SNRK: variants seen among roughly 807,000 people sequenced by gnomAD.
SNRK encodes SNF-related serine/threonine-protein kinase.
A neutral mutation model predicts 48.2 loss-of-function variants in SNRK; 3 were observed. That is an observed-to-expected ratio of 0.06 (90% CI 0.03 to 0.16). SNRK has a LOEUF of 0.16. Ranked by LOEUF, SNRK falls within the 10% of genes least tolerant of loss-of-function variation. The probability of loss-of-function intolerance (pLI) is 1.00; values close to 1 mark genes in which losing one functional copy is unlikely to be tolerated. For synonymous variants in SNRK, 376 were observed against 366.1 expected, an observed-to-expected ratio of 1.03 and a Z score of -0.31; for missense variants, 627 against 976.0, an observed-to-expected ratio of 0.64 and a Z score of 4.76.
Position 43,350,040 on chromosome 3 carries a change from A to G in SNRK, c.*1483A>G, listed in dbSNP as rs1361763250. On this transcript the variant is annotated 3_prime_UTR_variant, in exon 7 of 7. Coordinates refer to ENST00000296088, the MANE Select transcript of SNRK (RefSeq NM_017719.5). ...CATTGCTGTGGTCACTGTTTCTTCAAGTACACACTGACTCTGCTACTTTAG... is the reference window on the plus strand; with the variant it reads ...CATTGCTGTGGTCACTGTTTCTTCAGGTACACACTGACTCTGCTACTTTAG... The G allele has an allele frequency of 1.3e-5, 2 of 152,236 alleles. No homozygotes were observed. The highest frequency in any genetic ancestry group is 2.9e-5 in the Non-Finnish European group (2 of 68,046). The allele number at this position is 152,236 out of a possible 1,614,324, so 9.4% of individuals were successfully genotyped here.
chr3:43,334,785 G>A (rs1241952415), intron 4 of SNRK, among the ~76,000 whole-genome samples: 1 of 152,096 alleles, frequency 6.6e-6, no homozygotes, highest in Non-Finnish European at 1.5e-5. Flanking sequence ...GTAAAGGCAA[G>A]GTTTTAACAT....
intron 3 of SNRK, among the ~76,000 whole-genome samples, chr3:43,316,799 A>G (rs1217354568): frequency 6.7e-6 from 1 of 148,994 alleles, no homozygotes; most frequent in Non-Finnish European, 1.5e-5. Context: ...CTCTGCATTG[A>G]TTGCTTGTCC....
intron 4 of SNRK, 132 bp from the exon 5 acceptor site, chr3:43,340,155 T>C (rs1390262524): frequency 2.8e-6 from 2 of 719,776 alleles, no homozygotes; most frequent in Non-Finnish European, 4.8e-6. Context: ...TATTCCCATC[T>C]GCCCCACTGC....
Position 43,303,283 on chromosome 3 carries a change from T to C in SNRK, c.80T>C (p.Phe27Ser), listed in dbSNP as rs1429357100. ...DLDKTLGRGH[F>S]AVVKLARHVF... is the part of the protein sequence containing the mutation. ...GATAAAACCTTGGGTCGAGGCCATT[T>C]TGCCGTGGTTAAACTTGCCAGGCAT... The change falls in exon 3 of 7, where the codon TTT becomes TCT. Residue 27 changes from phenylalanine to serine, a missense_variant. Coordinates refer to ENST00000296088, the MANE Select transcript of SNRK (RefSeq NM_017719.5). The surrounding 1 kb of genome is among the most constrained non-coding windows in gnomAD (Gnocchi z 6.2). 6.2e-7 allele frequency: 1 copy of C among 1,614,088 alleles called. No homozygotes were observed. The highest frequency in any genetic ancestry group is 8.5e-7 in the Non-Finnish European group (1 of 1,180,036).
At chr3:43,289,560 G>T (rs954987388) in intron 1 of SNRK, among the ~76,000 whole-genome samples, 2 of 152,172 alleles carry the variant, frequency 1.3e-5, no homozygotes, top group Non-Finnish European at 2.9e-5. Flanking sequence ...TGTGTTGTCT[G>T]CTCTGGATAA....
intron 3 of SNRK, among the ~76,000 whole-genome samples, chr3:43,328,848 G>GT (rs1164393581): frequency 6.6e-6 from 1 of 152,118 alleles, no homozygotes; most frequent in Non-Finnish European, 1.5e-5. Flanking sequence ...TGGGAGGCTT[G>GT]TAAGGGCAAG....
chr3:43,299,128 C>T lies in SNRK; in HGVS notation c.-168-626C>T, dbSNP rs972066087. Among the ~76,000 whole-genome samples, 11 of 152,130 alleles carry T rather than the reference C, an allele frequency of 7.2e-5. No homozygotes were observed. In the East Asian group the frequency reaches 1.4e-3, roughly 19 times the overall value. On this transcript the variant is annotated intron_variant, in intron 1 of 6. Coordinates refer to ENST00000296088, the MANE Select transcript of SNRK (RefSeq NM_017719.5). ...GGGAGGATTCAGTGAAATGTGAGTT[C>T]GGGGCCTGTTGCAAGAGGCATTTTA...
At chr3:43,289,544 T>C (rs1315766294) in intron 1 of SNRK, among the ~76,000 whole-genome samples, 1 of 152,216 alleles carries the variant, frequency 6.6e-6, no homozygotes, top group East Asian at 1.9e-4. Context: ...GAGTGAGCAC[T>C]GGAACTGTGT....
chr3:43,332,814 G>A (rs1575554496), intron 4 of SNRK: 1 of 152,264 alleles, frequency 6.6e-6, no homozygotes, highest in South Asian at 2.1e-4. Flanking sequence ...GAGCTGTTTA[G>A]GTTTATGTGA....
intron 5 of SNRK, among the ~76,000 whole-genome samples, chr3:43,343,049 T>TTAC (rs140382816): frequency 0.014 from 4 of 296 alleles, no homozygotes; most frequent in South Asian, 0.12. Flanking sequence ...ATGCGTGCAC[T>TTAC]TATCTTATGT....
chr3:43,334,981 T>TC, intron 4 of SNRK, among the ~76,000 whole-genome samples: 1 of 53,144 alleles, frequency 1.9e-5, no homozygotes, highest in East Asian at 1.5e-3. Flanking sequence ...TTGTGCCTTA[T>TC]CTTTTTTTTG....
chr3:43,329,235 G>A lies in SNRK; in HGVS notation c.590-2934G>A, dbSNP rs184656365. Among the ~76,000 whole-genome samples the A allele has an allele frequency of 3.9e-5, 6 of 152,184 alleles. No individual in the cohort carries two copies. The South Asian group carries it at 6.2e-4, about 16-fold the overall frequency. The stretch of plus-strand genomic sequence containing the variant: ...GGATGGATCATGAGGTCAGGGGATC[G>A]AGACCATCCTGGCTAACACAGTGAA... On this transcript the variant is annotated intron_variant, in intron 3 of 6. Coordinates refer to ENST00000296088, the MANE Select transcript of SNRK (RefSeq NM_017719.5).
At chr3:43,316,790 TC>T (rs532322766) in intron 3 of SNRK, among the ~76,000 whole-genome samples, 102 of 150,160 alleles carry the variant, frequency 6.8e-4, no homozygotes, top group Non-Finnish European at 1.4e-3. Flanking sequence ...TGGAAACTCC[TC>T]TGCATTGATT....
intron 3 of SNRK, among the ~76,000 whole-genome samples, chr3:43,323,382 A>G (rs1161282545): frequency 1.3e-5 from 2 of 152,256 alleles, no homozygotes; most frequent in Admixed American, 1.3e-4. Context: ...GTTCCACACC[A>G]TTAGTCATTA....
intron 3 of SNRK, among the ~76,000 whole-genome samples, chr3:43,316,720 G>A (rs2091015789): frequency 6.6e-6 from 1 of 151,294 alleles, no homozygotes; most frequent in Non-Finnish European, 1.5e-5. Context: ...AATTTTTTCT[G>A]ATGTGTGTCC....
chr3:43,340,249 G>A (rs1176117987), intron 4 of SNRK, 38 bp from the exon 5 acceptor site: 4 of 1,479,220 alleles, frequency 2.7e-6, no homozygotes, highest in Non-Finnish European at 3.8e-6. Flanking sequence ...ATCCTTGCAA[G>A]CAGTTTGCTT....
At chr3:43,327,096 A>G (rs1183707942) in intron 3 of SNRK, among the ~76,000 whole-genome samples, 1 of 152,204 alleles carries the variant, frequency 6.6e-6, no homozygotes, top group African/African-American at 2.4e-5. Flanking sequence ...GTTCCTTAAA[A>G]CTAACCACTG....
chr3:43,305,288 G>T (rs1253317672), intron 3 of SNRK, among the ~76,000 whole-genome samples: 1 of 152,044 alleles, frequency 6.6e-6, no homozygotes, highest in Non-Finnish European at 1.5e-5. Flanking sequence ...TCTCACTTAT[G>T]CATACAAGAG....
chr3:43,349,225 T>TA lies in SNRK; in HGVS notation c.*669dup, dbSNP rs1379954804. 1 of 152,670 alleles carries TA rather than the reference T, an allele frequency of 6.6e-6. No individual in the cohort carries two copies. The highest frequency in any genetic ancestry group is 1.5e-5 in the Non-Finnish European group (1 of 68,040). 9.5% of individuals were successfully genotyped at this position (152,670 alleles called of 1,614,324 possible). On this transcript the variant is annotated 3_prime_UTR_variant, in exon 7 of 7. Transcript: ENST00000296088. Reference sequence around the variant, plus strand: ...TGTTTTTGTAATAGGTGAGATAAAGTACTTAGATTTATAAGGCAGCTTCCC... The same window carrying TA: ...TGTTTTTGTAATAGGTGAGATAAAGTAACTTAGATTTATAAGGCAGCTTCCC...
Sources: gnomAD v4.1 joint callset for allele counts (sites outside exome capture counted in the v4.1 genomes callset) on GRCh38, gnomAD v4.1.1 for gene constraint, Gnocchi (gnomAD v3.1) non-coding constraint, MANE v1.5 for transcripts, NCBI Gene and HGNC (gene_info 2026-07-23, HGNC 2026-07-21) for gene names.